RAPGEF2: variants seen among roughly 807,000 people sequenced by gnomAD.
RAPGEF2 encodes the protein PDZ domain containing guanine nucleotide exchange factor (GEF) 1.
Under a neutral mutation model 186.7 loss-of-function variants are expected in RAPGEF2, and 54 were observed. The observed-to-expected ratio is 0.29, with a 90% CI of 0.23 to 0.36. The LOEUF is 0.36. Among genes scored for constraint, RAPGEF2 ranks in the 10% least tolerant of loss-of-function variants. The probability of loss-of-function intolerance (pLI) is 1.00; values close to 1 mark genes in which losing one functional copy is unlikely to be tolerated. For missense variants in RAPGEF2, 1,532 were observed against 2,045.0 expected (o/e 0.75, Z 4.84); for synonymous variants, 712 against 705.9 (o/e 1.01, Z -0.14).
intron 1 of RAPGEF2, among the ~76,000 whole-genome samples, chr4:159,176,974 G>A (rs1746506958): frequency 6.6e-6 from 1 of 152,090 alleles, no homozygotes; most frequent in Non-Finnish European, 1.5e-5. Flanking sequence ...TATGTTCCTA[G>A]CCAATCTTTC....
At chr4:159,146,318 G>C (rs998356734) in intron 1 of RAPGEF2, among the ~76,000 whole-genome samples, 2 of 151,276 alleles carry the variant, frequency 1.3e-5, no homozygotes, top group African/African-American at 4.9e-5. Context: ...TAAAAAATCA[G>C]AAGTTTTAAC....
rs144299469 is a variant in RAPGEF2 at position 159,330,708 on chromosome 4, C to T, written c.1467+210C>T. 315 of 471,514 alleles carry T rather than the reference C, an allele frequency of 6.7e-4. 2 individuals are homozygous for T. The highest frequency in any genetic ancestry group is 5.9e-3 in the Middle Eastern group (11 of 1,862). 29.2% of individuals were successfully genotyped at this position (471,514 alleles called of 1,614,324 possible). On this transcript the variant is annotated intron_variant, in intron 13 of 29. Coordinates refer to ENST00000691494, the MANE Select transcript of RAPGEF2 (RefSeq NM_001394067.2). The stretch of plus-strand genomic sequence containing the variant: ...AAATATGAACAAAATATTAGTTCAG[C>T]CTTCTTTAAACACAAAGGCCAATAA...
chr4:159,329,887 C>T lies in RAPGEF2; in HGVS notation c.1179C>T (p.Cys393=). The part of the protein sequence containing the change: ...QFVCIAQQDY[C]RILNQVEKNM... Reference sequence around the variant, plus strand: ...TCTGCATAGCCCAGCAAGATTACTGCCGTATTCTCAATCAAGTAGAAAAGA... The same window carrying T: ...TCTGCATAGCCCAGCAAGATTACTGTCGTATTCTCAATCAAGTAGAAAAGA... The change falls in exon 12 of 30, where the codon TGC becomes TGT. Residue 393 remains cysteine, a synonymous_variant. Coordinates refer to ENST00000691494, the MANE Select transcript of RAPGEF2 (RefSeq NM_001394067.2). 1 of 1,612,556 alleles carries T rather than the reference C, an allele frequency of 6.2e-7. No individual in the cohort carries two copies. Among genetic ancestry groups the T allele is most frequent in the Non-Finnish European group, 8.5e-7 (1 of 1,179,128 alleles).
At chr4:159,246,869 G>A (rs934817777) in intron 7 of RAPGEF2, among the ~76,000 whole-genome samples, 2 of 152,070 alleles carry the variant, frequency 1.3e-5, no homozygotes, top group African/African-American at 4.8e-5. Flanking sequence ...TGTATAGCTA[G>A]TAAATTTCCT....
At position 159,359,384 on chromosome 4, in the gene RAPGEF2, G is replaced by A. The variant is rs1046965145; in HGVS notation, c.*1245G>A. 4 of 152,148 alleles carry A rather than the reference G, an allele frequency of 2.6e-5. No individual in the cohort carries two copies. The highest frequency in any genetic ancestry group is 9.7e-5 in the African/African-American group (4 of 41,428). The allele number at this position is 152,148 out of a possible 1,614,324, so 9.4% of individuals were successfully genotyped here. On this transcript the variant is annotated 3_prime_UTR_variant, in exon 30 of 30. Coordinates refer to ENST00000691494, the MANE Select transcript of RAPGEF2 (RefSeq NM_001394067.2). ...AGTCACCAAAGACTAACCTCCAAGT[G>A]GCTTTATGGACGCTGCATATAGAGA...
Position 159,356,305 on chromosome 4 carries a change from T to A in RAPGEF2, c.4957+147T>A, listed in dbSNP as rs1249752058. On this transcript the variant is annotated intron_variant, in intron 29 of 29. Transcript: ENST00000691494. ...GTACACTACATTCAGAGTTCCAAATTTAGGGTTACAGCTGTTGACTGCTTT... is the reference window on the plus strand; with the variant it reads ...GTACACTACATTCAGAGTTCCAAATATAGGGTTACAGCTGTTGACTGCTTT... 8 of 875,110 alleles carry A rather than the reference T, an allele frequency of 9.1e-6. No individual in the cohort carries two copies. The Admixed American group carries it at 2.3e-4, about 25-fold the overall frequency. The allele number at this position is 875,110 out of a possible 1,614,324, so 54.2% of individuals were successfully genotyped here. A position where few individuals can be genotyped will look rare whatever the true frequency, so the allele number is the denominator to read the frequency against.
intron 1 of RAPGEF2, among the ~76,000 whole-genome samples, chr4:159,138,182 C>T (rs979934123): frequency 1.3e-5 from 2 of 152,130 alleles, no homozygotes; most frequent in Non-Finnish European, 2.9e-5. Flanking sequence ...TTTATACCAC[C>T]CCTACGTTGC....
chr4:159,219,655 A>G (rs954174776), intron 4 of RAPGEF2, among the ~76,000 whole-genome samples: 33 of 152,220 alleles, frequency 2.2e-4, no homozygotes, highest in African/African-American at 7.5e-4. Context: ...ACGCGCAGCC[A>G]TAACTTTATC....
At chr4:159,244,227 T>C (rs1385721922) in intron 7 of RAPGEF2, among the ~76,000 whole-genome samples, 7 of 151,936 alleles carry the variant, frequency 4.6e-5, no homozygotes, top group South Asian at 4.1e-4. Context: ...TTCAGGAATC[T>C]CAATGGGAGA....
At chr4:159,148,425 T>A (rs1007035385) in intron 1 of RAPGEF2, among the ~76,000 whole-genome samples, 1 of 152,240 alleles carries the variant, frequency 6.6e-6, no homozygotes, top group African/African-American at 2.4e-5. Flanking sequence ...CAGAAAGTGT[T>A]ATGATTCCTT....
At chr4:159,344,517 A>G (rs1049766040) in intron 23 of RAPGEF2, among the ~76,000 whole-genome samples, 4 of 152,156 alleles carry the variant, frequency 2.6e-5, no homozygotes, top group Admixed American at 6.5e-5. Context: ...ACTAACTACT[A>G]TTTTCATTCT....
chr4:159,299,431 A>G (rs963154262), intron 7 of RAPGEF2, among the ~76,000 whole-genome samples: 1 of 85,706 alleles, frequency 1.2e-5, no homozygotes, highest in Non-Finnish European at 2.6e-5. Flanking sequence ...CTTTTACATT[A>G]AAAAAAAAAA....
chr4:159,255,735 G>A (rs1480433495), intron 7 of RAPGEF2, among the ~76,000 whole-genome samples: 1 of 151,876 alleles, frequency 6.6e-6, no homozygotes, highest in Non-Finnish European at 1.5e-5. Context: ...TCCATACTGT[G>A]TTTTTACTTT....
At chr4:159,296,940 C>G (rs2111002329) in intron 7 of RAPGEF2, among the ~76,000 whole-genome samples, 1 of 152,312 alleles carries the variant, frequency 6.6e-6, no homozygotes, top group East Asian at 1.9e-4. Flanking sequence ...TTGTGACAGA[C>G]AGCCAGTTTT....
chr4:159,261,018 G>A (rs1472175308), intron 7 of RAPGEF2, among the ~76,000 whole-genome samples: 1 of 152,064 alleles, frequency 6.6e-6, no homozygotes, highest in Non-Finnish European at 1.5e-5. Context: ...GCCTCCCAAA[G>A]TGTTGGGATT....
At chr4:159,223,207 C>T (rs1273254843) in intron 4 of RAPGEF2, among the ~76,000 whole-genome samples, 1 of 24,284 alleles carries the variant, frequency 4.1e-5, no homozygotes, top group East Asian at 2.7e-4. Flanking sequence ...TTAGATGTTT[C>T]TTACGGCGTT....
chr4:159,283,642 G>A (rs1760036021), intron 7 of RAPGEF2, among the ~76,000 whole-genome samples: 1 of 152,188 alleles, frequency 6.6e-6, no homozygotes, highest in Non-Finnish European at 1.5e-5. Context: ...TCTGTATGAA[G>A]ATGTGGAGAT....
At chr4:159,107,675 T>C (rs1225031614) in intron 1 of RAPGEF2, among the ~76,000 whole-genome samples, 1 of 152,032 alleles carries the variant, frequency 6.6e-6, no homozygotes, top group Non-Finnish European at 1.5e-5. Context: ...TTATAAAGAA[T>C]ACAGGACTTA....
At chr4:159,185,159 GAC>G (rs1210803531) in intron 1 of RAPGEF2, among the ~76,000 whole-genome samples, 1 of 152,138 alleles carries the variant, frequency 6.6e-6, no homozygotes, top group Non-Finnish European at 1.5e-5. Context: ...TAAAAAGAGA[GAC>G]AGTAACAAGC....
Sources: gnomAD v4.1 joint callset for allele counts (sites outside exome capture counted in the v4.1 genomes callset) on GRCh38, gnomAD v4.1.1 for gene constraint, MANE v1.5 for transcripts, NCBI Gene and HGNC (gene_info 2026-07-23, HGNC 2026-07-21) for gene names.